The following CLASP2 variants were observed in gnomAD, a reference collection of about 807,000 sequenced individuals.
CLASP2 encodes the protein cytoplasmic linker associated protein 2, also known as CLIP-associating protein 2.
In CLASP2, 47 loss-of-function variants were observed where a neutral mutation model predicts 194.4. The ratio of observed to expected loss-of-function variants is 0.24; its 90% CI spans 0.19 to 0.31. The LOEUF is 0.31. CLASP2 is among the 10% of genes least tolerant of loss of function. CLASP2 has a pLI of 1.00. For missense variants in CLASP2, 1,445 were observed against 1,823.6 expected (o/e 0.79, Z 3.78); for synonymous variants, 619 against 633.5 (o/e 0.98, Z 0.34).
intron 33 of CLASP2, among the ~76,000 whole-genome samples, chr3:33,538,351 T>C (rs1257342640): frequency 6.6e-6 from 1 of 152,204 alleles, no homozygotes; most frequent in Non-Finnish European, 1.5e-5. Flanking sequence ...ACCTTTGGAG[T>C]GAGGCCTTCT....
intron 1 of CLASP2, among the ~76,000 whole-genome samples, chr3:33,706,838 G>A (rs548308975): frequency 1.3e-5 from 2 of 152,008 alleles, no homozygotes; most frequent in East Asian, 1.9e-4. Flanking sequence ...GGTGGTGTGC[G>A]CCTGTAGTCC....
Position 33,644,784 on chromosome 3 carries a change from C to A in CLASP2, c.835G>T (p.Gly279Cys). ...GNPANSARKP[G>C]SAGGPKVGGA... ...CCAACCTTAGGGCCACCTGCTGAACCAGGCTTCCTTGCACTGTTGGCAGGA... is the reference window on the plus strand; with the variant it reads ...CCAACCTTAGGGCCACCTGCTGAACAAGGCTTCCTTGCACTGTTGGCAGGA... The change falls in exon 8 of 39, where the codon GGT (glycine) becomes TGT (cysteine). Residue 279 changes from glycine (G) to cysteine (C), a missense_variant. Gly to Cys is a radical substitution (Grantham distance 159). Coordinates refer to ENST00000682230, the MANE Select transcript of CLASP2 (RefSeq NM_001365631.1). The A allele has an allele frequency of 6.2e-7, 1 of 1,613,400 alleles. No individual in the cohort carries two copies. Among genetic ancestry groups the A allele is most frequent in the South Asian group, 1.1e-5 (1 of 90,968 alleles).
At chr3:33,504,085 A>G (rs572393303) in intron 37 of CLASP2, 9 of 152,314 alleles carry the variant, frequency 5.9e-5, no homozygotes, top group African/African-American at 2.2e-4. Flanking sequence ...GACCATTATC[A>G]GATATATAAT....
chr3:33,542,441 TA>T (rs977580162), intron 32 of CLASP2, among the ~76,000 whole-genome samples: 21 of 148,386 alleles, frequency 1.4e-4, no homozygotes. Flanking sequence ...AACATAAAAA[TA>T]ACAAATAGGG....
chr3:33,499,512 G>A (rs1273347805), intron 38 of CLASP2, among the ~76,000 whole-genome samples: 1 of 151,828 alleles, frequency 6.6e-6, no homozygotes, highest in Non-Finnish European at 1.5e-5. Context: ...ACCATGCCTG[G>A]CTAATTTTTT....
chr3:33,638,149 T>C (rs1010519462), intron 8 of CLASP2, among the ~76,000 whole-genome samples: 6 of 152,150 alleles, frequency 3.9e-5, no homozygotes, highest in Admixed American at 1.3e-4. Context: ...CCTACATAAA[T>C]AAACACGGAG....
At chr3:33,686,831 A>T (rs2090737953) in intron 5 of CLASP2, among the ~76,000 whole-genome samples, 1 of 152,194 alleles carries the variant, frequency 6.6e-6, no homozygotes, top group Non-Finnish European at 1.5e-5. Context: ...CTAACCATTA[A>T]GTCCCATCTG....
At chr3:33,568,553 CAAA>C (rs568821764) in intron 26 of CLASP2, among the ~76,000 whole-genome samples, 4 of 56,836 alleles carry the variant, frequency 7.0e-5, no homozygotes, top group African/African-American at 7.6e-5. Flanking sequence ...GATCTTGTCT[CAAA>C]AAAAAAAAAA....
chr3:33,683,768 C>T (rs2090187164), intron 6 of CLASP2, among the ~76,000 whole-genome samples: 1 of 150,996 alleles, frequency 6.6e-6, no homozygotes. Context: ...ATGATGAAAC[C>T]GTCTCAACTA....
intron 20 of CLASP2, among the ~76,000 whole-genome samples, chr3:33,593,158 C>A (rs2154239884): frequency 6.6e-6 from 1 of 152,310 alleles, no homozygotes; most frequent in South Asian, 2.1e-4. Context: ...CACTCTGCCT[C>A]ATTCCCCTCC....
intron 1 of CLASP2, among the ~76,000 whole-genome samples, chr3:33,708,549 T>TATACATATATACATATATATAC (rs2092837953): frequency 2.1e-5 from 3 of 143,088 alleles, no homozygotes; most frequent in South Asian, 4.4e-4. Flanking sequence ...TATATGTATA[T>TATACATATATACATATATATAC]ATATATATAT....
intron 21 of CLASP2, among the ~76,000 whole-genome samples, chr3:33,590,353 A>C (rs1248316759): frequency 6.6e-6 from 1 of 152,116 alleles, no homozygotes; most frequent in Non-Finnish European, 1.5e-5. Flanking sequence ...ACTTCTCAAG[A>C]CTTAACTGTG....
At chr3:33,715,718 T>C (rs369002483) in intron 1 of CLASP2, among the ~76,000 whole-genome samples, 1 of 152,220 alleles carries the variant, frequency 6.6e-6, no homozygotes, top group African/African-American at 2.4e-5. Flanking sequence ...TCTGAAGTAC[T>C]ACCAATTCAA....
chr3:33,701,811 T>C (rs1398435804), intron 1 of CLASP2, among the ~76,000 whole-genome samples: 2 of 152,100 alleles, frequency 1.3e-5, no homozygotes, highest in South Asian at 2.1e-4. Context: ...TTTACAAAAA[T>C]CAACTCAAAA....
intron 37 of CLASP2, 46 bp downstream of exon 37, chr3:33,510,512 T>G (rs2049281): frequency 6.4e-7 from 1 of 1,553,170 alleles, no homozygotes; most frequent in Admixed American, 1.7e-5. Context: ...AATAACTGTA[T>G]CCCAAATGTA....
intron 2 of CLASP2, among the ~76,000 whole-genome samples, chr3:33,691,728 T>C (rs1267229657): frequency 6.6e-6 from 1 of 152,234 alleles, no homozygotes; most frequent in Non-Finnish European, 1.5e-5. Flanking sequence ...ATGTTAGATA[T>C]TATTATGCAC....
At chr3:33,697,138 A>ATGTTT (rs1355629039) in intron 1 of CLASP2, among the ~76,000 whole-genome samples, 4 of 152,240 alleles carry the variant, frequency 2.6e-5, no homozygotes, top group African/African-American at 9.6e-5. Flanking sequence ...ATAACGTGTA[A>ATGTTT]ACAGGAAGAT....
At chr3:33,571,069 A>C (rs1411574262) in intron 25 of CLASP2, among the ~76,000 whole-genome samples, 2 of 140,772 alleles carry the variant, frequency 1.4e-5, no homozygotes, top group Non-Finnish European at 3.0e-5. Flanking sequence ...GCTGGAGTGC[A>C]GTGGCGCGAT....
At chr3:33,560,672 A>G (rs1351706380) in intron 28 of CLASP2, 136 bp downstream of exon 28, 1 of 708,728 alleles carries the variant, frequency 1.4e-6, no homozygotes, top group Non-Finnish European at 2.4e-6. Context: ...ATGAATGGGC[A>G]TAATTAACAA....
Sources: gnomAD v4.1 joint callset for allele counts (sites outside exome capture counted in the v4.1 genomes callset) on GRCh38, gnomAD v4.1.1 for gene constraint, MANE v1.5 for transcripts, NCBI Gene and HGNC (gene_info 2026-07-23, HGNC 2026-07-21) for gene names.